The following SMOC1 variants were observed in gnomAD, a reference collection of about 807,000 sequenced individuals.
SMOC1 encodes SPARC related modular calcium binding 1, also known as SPARC-related modular calcium-binding protein 1.
SMOC1 carries 22 observed loss-of-function variants against 56.3 expected under a neutral mutation model. The ratio of observed to expected loss-of-function variants is 0.39; its 90% CI spans 0.28 to 0.56. SMOC1 has a LOEUF of 0.56. SMOC1 is among the 20% of genes least tolerant of loss of function. The pLI is 0.61. For synonymous variants in SMOC1, 193 were observed against 215.0 expected (o/e 0.90, Z 0.89); for missense variants, 509 against 565.4 (o/e 0.90, Z 1.01).
rs1886092849 is a variant in SMOC1 at position 70,030,230 on chromosome 14, T to G, written c.1292-12T>G. The stretch of plus-strand genomic sequence containing the variant: ...TTTTTTTTTTTTTTTGCATTCTCCT[T>G]CCTTCTCTCAGTAGGACGCCTCGTC... On this transcript the variant is annotated splice_polypyrimidine_tract_variant and intron_variant, in intron 11 of 11. Transcript: ENST00000361956. 2 of 1,609,578 alleles carry G rather than the reference T, an allele frequency of 1.2e-6. No homozygotes were observed. Among genetic ancestry groups the G allele is most frequent in the African/African-American group, 2.7e-5 (2 of 73,806 alleles).
chr14:69,907,087 G>C (rs1016883268), intron 1 of SMOC1, among the ~76,000 whole-genome samples: 1 of 152,148 alleles, frequency 6.6e-6, no homozygotes, highest in South Asian at 2.1e-4. Flanking sequence ...ACAACCTCTG[G>C]TGTAGAGGGA....
At chr14:70,013,963 A>T (rs774763045) in intron 10 of SMOC1, among the ~76,000 whole-genome samples, 2 of 152,218 alleles carry the variant, frequency 1.3e-5, no homozygotes, top group Non-Finnish European at 2.9e-5. Flanking sequence ...CTGGACACTC[A>T]TATAGCCAAA....
intron 10 of SMOC1, among the ~76,000 whole-genome samples, chr14:70,019,866 A>C (rs1885646934): frequency 6.6e-6 from 1 of 152,178 alleles, no homozygotes; most frequent in South Asian, 2.1e-4. Context: ...TGCTGGATCT[A>C]AGTCTTAGCC....
chr14:70,026,204 A>T (rs915353310), intron 11 of SMOC1, among the ~76,000 whole-genome samples: 5 of 152,202 alleles, frequency 3.3e-5, no homozygotes, highest in Admixed American at 2.0e-4. Context: ...GCACAGTCAG[A>T]TGGCCAATGT....
At chr14:70,009,259 A>G (rs1043396315) in intron 7 of SMOC1, among the ~76,000 whole-genome samples, 3 of 152,204 alleles carry the variant, frequency 2.0e-5, no homozygotes, top group African/African-American at 4.8e-5. Context: ...TTACCCTGCA[A>G]TGAGAATCAC....
chr14:69,888,041 C>G (rs1411688351), intron 1 of SMOC1, among the ~76,000 whole-genome samples: 1 of 152,156 alleles, frequency 6.6e-6, no homozygotes, highest in Non-Finnish European at 1.5e-5. Context: ...GTTTAGGCAG[C>G]CAAGTCCTGG....
At chr14:69,982,669 T>C (rs1249134040) in intron 5 of SMOC1, among the ~76,000 whole-genome samples, 2 of 152,340 alleles carry the variant, frequency 1.3e-5, no homozygotes, top group Admixed American at 1.3e-4. Flanking sequence ...GAAATGTCAC[T>C]CCTGCTCACA....
chr14:69,965,497 C>G (rs1225787221), intron 3 of SMOC1, among the ~76,000 whole-genome samples: 1 of 152,058 alleles, frequency 6.6e-6, no homozygotes, highest in Non-Finnish European at 1.5e-5. Context: ...ACAGAGCTGA[C>G]CCAGGATCAC....
At chr14:69,936,177 C>G (rs1447622915) in intron 1 of SMOC1, among the ~76,000 whole-genome samples, 2 of 152,134 alleles carry the variant, frequency 1.3e-5, no homozygotes, top group African/African-American at 2.4e-5. Context: ...GTCTAAGGGC[C>G]CATACAGGTT....
intron 6 of SMOC1, among the ~76,000 whole-genome samples, chr14:69,993,560 C>T (rs1884642675): frequency 6.6e-6 from 1 of 152,218 alleles, no homozygotes; most frequent in South Asian, 2.1e-4. Context: ...CGGGTTAACA[C>T]TGTGGCTATG....
chr14:69,898,413 T>C (rs1382542615), intron 1 of SMOC1, among the ~76,000 whole-genome samples: 1 of 152,156 alleles, frequency 6.6e-6, no homozygotes, highest in East Asian at 1.9e-4. Flanking sequence ...ATTCCCATTA[T>C]ACATGTTATA....
intron 7 of SMOC1, among the ~76,000 whole-genome samples, chr14:70,003,931 T>A (rs1449247867): frequency 2.0e-5 from 3 of 152,168 alleles, no homozygotes; most frequent in Non-Finnish European, 4.4e-5. Flanking sequence ...ATATCCTGGG[T>A]GATAACCTGG....
At chr14:69,975,083 C>T (rs1030249274) in intron 3 of SMOC1, among the ~76,000 whole-genome samples, 1 of 152,140 alleles carries the variant, frequency 6.6e-6, no homozygotes, top group Non-Finnish European at 1.5e-5. Flanking sequence ...GTGGCTCACG[C>T]CTGTAATCCC....
chr14:69,998,354 C>T (rs922120286), intron 7 of SMOC1, among the ~76,000 whole-genome samples: 2 of 152,108 alleles, frequency 1.3e-5, no homozygotes, highest in African/African-American at 4.8e-5. Context: ...AACTTGAGAA[C>T]AGCATCTTCC....
rs148560891 is a variant in SMOC1, at chr14:69,937,002, G to A, written c.100-15136G>A. On this transcript the variant is annotated intron_variant, in intron 1 of 11. Transcript: ENST00000361956. ...GGTTTTAGTTAATTTTATATTGTGAGCATTTCCCCGGTCAATAAAAAGTCT... is the reference window on the plus strand; with the variant it reads ...GGTTTTAGTTAATTTTATATTGTGAACATTTCCCCGGTCAATAAAAAGTCT... 2.8e-3 allele frequency among the ~76,000 whole-genome samples: 422 copies of A among 152,208 alleles called. 1 individual carries two copies. The highest frequency in any genetic ancestry group is 9.7e-3 in the African/African-American group (403 of 41,516).
At position 69,889,831 on chromosome 14, in the gene SMOC1, TC is replaced by T. The variant is rs1246722499; in HGVS notation, c.99+10056del. On this transcript the variant is annotated intron_variant, in intron 1 of 11. Coordinates refer to ENST00000361956, the MANE Select transcript of SMOC1 (RefSeq NM_001034852.3). ...CTGCATTCCTCGGCTTGTGGCCCCT[TC>T]CACCTTTAAAGCTAGCAATCATTGG... Among the ~76,000 whole-genome samples, 3 of 152,220 alleles carry T rather than the reference TC, an allele frequency of 2.0e-5. 1 individual carries two copies. The highest frequency in any genetic ancestry group is 6.3e-3 in the Middle Eastern group (2 of 316).
chr14:70,027,671 T>G (rs752771061), intron 11 of SMOC1, among the ~76,000 whole-genome samples: 24 of 152,236 alleles, frequency 1.6e-4, no homozygotes, highest in Non-Finnish European at 3.2e-4. Context: ...TCTTTAATCC[T>G]TGGCAAGTTA....
intron 1 of SMOC1, among the ~76,000 whole-genome samples, chr14:69,947,144 TC>T (rs1199606539): frequency 7.5e-6 from 1 of 132,870 alleles, no homozygotes; most frequent in Non-Finnish European, 1.6e-5. Flanking sequence ...CTCCCTTCCT[TC>T]TTCCTTCACT....
At chr14:70,016,770 G>T (rs938355661) in intron 10 of SMOC1, among the ~76,000 whole-genome samples, 2 of 152,090 alleles carry the variant, frequency 1.3e-5, no homozygotes, top group Non-Finnish European at 2.9e-5. Context: ...CCTGTTCCAG[G>T]ACCTCTATGT....
Sources: gnomAD v4.1 joint callset for allele counts (sites outside exome capture counted in the v4.1 genomes callset) on GRCh38, gnomAD v4.1.1 for gene constraint, MANE v1.5 for transcripts, NCBI Gene and HGNC (gene_info 2026-07-23, HGNC 2026-07-21) for gene names.